The following LIMCH1 variants were observed in gnomAD, a reference collection of about 807,000 sequenced individuals.
The protein encoded by LIMCH1 is LIM and calponin homology domains 1, also known as LIM and calponin homology domains-containing protein 1.
LIMCH1 carries 113 observed loss-of-function variants against 176.5 expected under a neutral mutation model. The ratio of observed to expected loss-of-function variants is 0.64; its 90% CI spans 0.55 to 0.75. The LOEUF is 0.75. LIMCH1 is among the 30% of genes least tolerant of loss of function. The pLI is 0.00. For synonymous variants in LIMCH1, 619 were observed against 645.9 expected (o/e 0.96, Z 0.63); for missense variants, 1,674 against 1,814.9 (o/e 0.92, Z 1.41).
chr4:41,488,438 G>A (rs7696430), intron 1 of LIMCH1, among the ~76,000 whole-genome samples: 31,590 of 151,998 alleles, frequency 0.21, 4,051 homozygotes, highest in African/African-American at 0.36. Flanking sequence ...GGGAAAACTC[G>A]ATATTCATAA....
chr4:41,369,750 G>A (rs190614500), intron 1 of LIMCH1, among the ~76,000 whole-genome samples: 100 of 151,874 alleles, frequency 6.6e-4, no homozygotes, highest in African/African-American at 2.0e-3. Context: ...CAAGGACTGC[G>A]TCTTAGTCAT....
chr4:41,476,680 G>A (rs992790944), intron 1 of LIMCH1, among the ~76,000 whole-genome samples: 2 of 152,314 alleles, frequency 1.3e-5, no homozygotes, highest in Admixed American at 1.3e-4. Flanking sequence ...ATGCCTGATG[G>A]TATTAAATGA....
intron 28 of LIMCH1, among the ~76,000 whole-genome samples, chr4:41,686,677 G>A (rs1442626044): frequency 6.6e-6 from 1 of 152,182 alleles, no homozygotes; most frequent in African/African-American, 2.4e-5. Flanking sequence ...TATAAAATGG[G>A]AATGACAATA....
At position 41,646,675 on chromosome 4, in the gene LIMCH1, C is replaced by A; in HGVS notation, c.2602C>A (p.Pro868Thr). 1.2e-6 allele frequency: 2 copies of A among 1,614,128 alleles called. No individual in the cohort carries two copies. Among genetic ancestry groups the A allele is most frequent in the Non-Finnish European group, 1.7e-6 (2 of 1,180,018 alleles). ...AAATTTATCCTCCTTCCTGAATGAC[C>A]CCAATCCCATGAAATACCTGCGGCA... is the stretch of plus-strand genomic sequence containing the variant. Reference protein sequence around the residue: ...EPNLSSFLNDPNPMKYLRQQS... With the variant: ...EPNLSSFLNDTNPMKYLRQQS... The change falls in exon 17 of 32, where the codon CCC becomes ACC. Residue 868 changes from proline (P) to threonine (T), a missense_variant. This residue lies in a region of LIMCH1 where 1,015 missense variants were observed against 1,102.5 expected (regional missense o/e 0.92). Transcript: ENST00000503057.
rs2092480538 is a variant in LIMCH1, at chr4:41,620,466, TGCTGGTGAAGACAACCCA to T, written c.507_524del (p.Glu170_Gly175del). The T allele has an allele frequency of 2.0e-6, 3 of 1,536,096 alleles. No individual in the cohort carries two copies. In the African/African-American group the frequency reaches 4.1e-5, roughly 21 times the overall value. ...AGGAAGAGGGGAGTGAAGTGGGGTC[TGCTGGTGAAGACAACCCA>T]GCTGGCCAAATGAATCCTGGTTGGA... is the stretch of plus-strand genomic sequence containing the variant. On this transcript the variant is annotated inframe_deletion, in exon 7 of 32. Transcript: ENST00000503057.
intron 1 of LIMCH1, among the ~76,000 whole-genome samples, chr4:41,478,110 C>T (rs2068024180): frequency 6.6e-6 from 1 of 152,198 alleles, no homozygotes; most frequent in Non-Finnish European, 1.5e-5. Context: ...AGTTAAGCTA[C>T]ATTTTTCCAG....
At chr4:41,644,431 GC>G (rs2093971666) in intron 14 of LIMCH1, 68 bp from the exon 15 acceptor site, 1 of 1,412,856 alleles carries the variant, frequency 7.1e-7, no homozygotes. Context: ...GCGGCAGGAC[GC>G]CCAGGCGCGC....
chr4:41,658,058 C>T (rs1351068811), intron 18 of LIMCH1, among the ~76,000 whole-genome samples: 1 of 152,122 alleles, frequency 6.6e-6, no homozygotes, highest in Non-Finnish European at 1.5e-5. Flanking sequence ...GACTCCAAGC[C>T]CAGGTGGTGG....
At position 41,632,855 on chromosome 4, in the gene LIMCH1, G is replaced by A; in HGVS notation, c.1708G>A (p.Gly570Arg). ...WVCSLGECPR[G>R]TEEVTSKQLP... ...CTGCAGTTTGGGCGAGTGCCCGAGG[G>A]GGACAGAGGAAGGTGAGGAGCAGTG... Residue 570 changes from glycine to arginine, a missense_variant, in exon 11 of 32, where the codon GGG becomes AGG. Physicochemically the swap from Gly to Arg is moderately radical, Grantham distance 125. Transcript: ENST00000503057. 6.5e-7 allele frequency: 1 copy of A among 1,536,142 alleles called. No homozygotes were observed. The highest frequency in any genetic ancestry group is 1.2e-5 in the South Asian group (1 of 84,060).
Position 41,626,835 on chromosome 4 carries a change from G to C in LIMCH1, c.853G>C (p.Asp285His). 6.5e-7 allele frequency: 1 copy of C among 1,536,198 alleles called. No homozygotes were observed. Among genetic ancestry groups the C allele is most frequent in the East Asian group, 2.4e-5 (1 of 40,902 alleles). ...AEGEVVCRLP[D>H]LEKDDFAARR... The stretch of plus-strand genomic sequence containing the variant: ...AGGTGAAGTTGTGTGTCGACTGCCT[G>C]ATCTTGAGAAGGATGACTTTGCTGC... Residue 285 changes from aspartate to histidine, a missense_variant, in exon 8 of 32, where the codon GAT becomes CAT. Asp to His is a moderately conservative substitution (Grantham distance 81, BLOSUM62 -1). Around this residue, in one of 3 missense-constraint regions of LIMCH1, gnomAD observed 655 missense variants for 692.2 expected, o/e 0.95. Coordinates refer to ENST00000503057, the MANE Select transcript of LIMCH1 (RefSeq NM_001330672.2).
chr4:41,430,551 C>T (rs139927988), intron 1 of LIMCH1, among the ~76,000 whole-genome samples: 1 of 152,344 alleles, frequency 6.6e-6, no homozygotes, highest in Middle Eastern at 3.4e-3. Context: ...CTTGAGCCAT[C>T]GGGCACCCTG....
chr4:41,621,272 T>C (rs1584959248), intron 7 of LIMCH1, among the ~76,000 whole-genome samples: 1 of 152,312 alleles, frequency 6.6e-6, no homozygotes, highest in Non-Finnish European at 1.5e-5. Flanking sequence ...GGTACTAGTA[T>C]CCAGTCCTGA....
intron 6 of LIMCH1, chr4:41,619,783 G>T: frequency 3.4e-6 from 1 of 296,828 alleles, no homozygotes; most frequent in Middle Eastern, 1.0e-3. Context: ...CAGATTAGGC[G>T]TAGAAAGATT....
chr4:41,541,501 T>G (rs1462082973), intron 1 of LIMCH1, among the ~76,000 whole-genome samples: 1 of 152,238 alleles, frequency 6.6e-6, no homozygotes, highest in Non-Finnish European at 1.5e-5. Context: ...CTTTTTTGAC[T>G]CTAGAGATCT....
chr4:41,407,520 G>A (rs1445172139), intron 1 of LIMCH1, among the ~76,000 whole-genome samples: 4 of 152,160 alleles, frequency 2.6e-5, no homozygotes, highest in Admixed American at 6.5e-5. Context: ...ATGAGCCACT[G>A]CACCTGGCCC....
intron 1 of LIMCH1, among the ~76,000 whole-genome samples, chr4:41,441,247 T>C (rs1316815995): frequency 6.6e-6 from 1 of 152,224 alleles, no homozygotes; most frequent in Non-Finnish European, 1.5e-5. Flanking sequence ...TATATTTCAA[T>C]GAAAAATGAA....
chr4:41,510,866 G>T (rs950651815), intron 2 of LIMCH1, among the ~76,000 whole-genome samples: 3 of 152,162 alleles, frequency 2.0e-5, no homozygotes, highest in Non-Finnish European at 2.9e-5. Context: ...TGGGATTAAA[G>T]GTGTGAGCCA....
intron 4 of LIMCH1, among the ~76,000 whole-genome samples, chr4:41,611,870 T>G (rs2091455561): frequency 6.6e-6 from 1 of 152,194 alleles, no homozygotes; most frequent in Non-Finnish European, 1.5e-5. Flanking sequence ...ATATCCAATT[T>G]GGGTCTATAA....
At chr4:41,613,249 G>A (rs1001138395) in intron 4 of LIMCH1, 14 of 877,074 alleles carry the variant, frequency 1.6e-5, no homozygotes, top group Admixed American at 1.5e-4. Context: ...TAAAAAAAAC[G>A]TTGTGCATGA....
Sources: gnomAD v4.1 joint callset for allele counts (sites outside exome capture counted in the v4.1 genomes callset) on GRCh38, gnomAD v4.1.1 for gene constraint, gnomAD v4.1.1 regional missense constraint, MANE v1.5 for transcripts, NCBI Gene and HGNC (gene_info 2026-07-23, HGNC 2026-07-21) for gene names.